Variants in CTNNA3 observed in about 807,000 individuals in gnomAD.
CTNNA3 encodes catenin alpha 3.
A neutral mutation model predicts 95.7 loss-of-function variants in CTNNA3; 76 were observed. The observed-to-expected ratio is 0.79, with a 90% CI of 0.66 to 0.96. CTNNA3 has a LOEUF of 0.96. Ranked by LOEUF, CTNNA3 falls within the 40% of genes least tolerant of loss-of-function variation. CTNNA3 has a pLI of 0.00. For missense variants in CTNNA3, 1,191 were observed against 1,089.8 expected, an observed-to-expected ratio of 1.09 and a Z score of -1.31; for synonymous variants, 431 against 374.4, an observed-to-expected ratio of 1.15 and a Z score of -1.74.
intron 5 of CTNNA3, among the ~76,000 whole-genome samples, chr10:67,440,542 C>T (rs1375166097): frequency 6.6e-6 from 1 of 152,046 alleles, no homozygotes. Context: ...CCAGTGCTGT[C>T]CTGGCTTCAG....
At chr10:67,621,488 G>T (rs144289830) in intron 2 of CTNNA3, among the ~76,000 whole-genome samples, 1 of 152,064 alleles carries the variant, frequency 6.6e-6, no homozygotes. Flanking sequence ...AGTGGCTCAC[G>T]CCTGTAATCC....
intron 5 of CTNNA3, among the ~76,000 whole-genome samples, chr10:67,299,025 A>C (rs1840157791): frequency 6.6e-6 from 1 of 152,068 alleles, no homozygotes; most frequent in Admixed American, 6.6e-5. Flanking sequence ...CAGCCTCCCA[A>C]GTAGCTGGGA....
rs10822953 is a variant in CTNNA3 at position 66,979,632 on chromosome 10, T to C, written c.1047+200685A>G. ...ATTGCCACATCAGTAAAATGGGGAGTATAAACAGAACTTAGAACATAGATG... is the reference window on the plus strand; with the variant it reads ...ATTGCCACATCAGTAAAATGGGGAGCATAAACAGAACTTAGAACATAGATG... On this transcript the variant is annotated intron_variant, in intron 7 of 17. Transcript: ENST00000433211. Among the ~76,000 whole-genome samples, 3,766 of 152,132 alleles carry C rather than the reference T, an allele frequency of 0.025. 397 individuals are homozygous for C. In the East Asian group the frequency reaches 0.37, roughly 15 times the overall value.
Position 67,608,604 on chromosome 10 carries a change from A to G in CTNNA3, c.100-1555T>C, listed in dbSNP as rs150012042. Among the ~76,000 whole-genome samples, 469 of 152,330 alleles carry G rather than the reference A, an allele frequency of 3.1e-3. 1 individual carries two copies. Among genetic ancestry groups the G allele is most frequent in the South Asian group, 6.2e-3 (30 of 4,830 alleles). On this transcript the variant is annotated intron_variant, in intron 2 of 17. Transcript: ENST00000433211. ...TTACAATGTATACATATATCAAAACATCACAGGGTACACCATAAATATATA... is the reference window on the plus strand; with the variant it reads ...TTACAATGTATACATATATCAAAACGTCACAGGGTACACCATAAATATATA...
At chr10:66,840,004 T>C (rs889187721) in intron 7 of CTNNA3, among the ~76,000 whole-genome samples, 7 of 152,066 alleles carry the variant, frequency 4.6e-5, no homozygotes, top group African/African-American at 1.7e-4. Context: ...GTAATGAAAA[T>C]CCCTCAAGTT....
At chr10:65,970,885 C>T (rs1159807689) in intron 16 of CTNNA3, among the ~76,000 whole-genome samples, 4 of 151,200 alleles carry the variant, frequency 2.6e-5, no homozygotes, top group Non-Finnish European at 5.9e-5. Context: ...ACAAGTACTT[C>T]TAGATCTACA....
rs551998153 is a variant in CTNNA3, at chr10:67,372,407, G to A, written c.579+149435C>T. ...TCCATATTGAATTATGAAATGAAGC[G>A]TGAAGAGAAGTTTAGAGAAAAAAGA... On this transcript the variant is annotated intron_variant, in intron 5 of 17. Coordinates refer to ENST00000433211, the MANE Select transcript of CTNNA3 (RefSeq NM_013266.4). Among the ~76,000 whole-genome samples the A allele has an allele frequency of 2.5e-4, 38 of 152,050 alleles. No homozygotes were observed. The South Asian group carries it at 3.7e-3, about 15-fold the overall frequency.
intron 7 of CTNNA3, among the ~76,000 whole-genome samples, chr10:67,127,463 T>G (rs1048813595): frequency 1.3e-5 from 2 of 152,192 alleles, no homozygotes; most frequent in African/African-American, 4.8e-5. Context: ...GTCCCAAGTC[T>G]TCTTTCCTTC....
chr10:67,262,314 G>A (rs1027739747), intron 5 of CTNNA3, among the ~76,000 whole-genome samples: 8 of 152,048 alleles, frequency 5.3e-5, no homozygotes, highest in Non-Finnish European at 7.4e-5. Flanking sequence ...GATCAAAAGG[G>A]GTGATTTTCT....
At chr10:67,354,930 C>T (rs1363131814) in intron 5 of CTNNA3, among the ~76,000 whole-genome samples, 7 of 151,996 alleles carry the variant, frequency 4.6e-5, no homozygotes, top group Non-Finnish European at 7.4e-5. Context: ...TGAAGGGTTT[C>T]CTACACCTAT....
At chr10:66,420,837 A>T (rs2093187057) in intron 11 of CTNNA3, among the ~76,000 whole-genome samples, 1 of 77,436 alleles carries the variant, frequency 1.3e-5, no homozygotes, top group African/African-American at 5.2e-5. Context: ...AAATAAATAA[A>T]TAAAAAACAA....
intron 5 of CTNNA3, among the ~76,000 whole-genome samples, chr10:67,342,371 G>A (rs922387675): frequency 6.6e-6 from 1 of 151,900 alleles, no homozygotes; most frequent in African/African-American, 2.4e-5. Context: ...CAAAGTGCTG[G>A]GATTACAGGC....
intron 7 of CTNNA3, among the ~76,000 whole-genome samples, chr10:66,904,260 A>C (rs969939852): frequency 1.7e-4 from 26 of 152,272 alleles, no homozygotes; most frequent in Middle Eastern, 3.4e-3. Flanking sequence ...AAAACAAGAA[A>C]TGGGGAAAGG....
chr10:67,228,082 G>C (rs987284403), intron 5 of CTNNA3, among the ~76,000 whole-genome samples: 3 of 151,968 alleles, frequency 2.0e-5, no homozygotes, highest in Non-Finnish European at 4.4e-5. Context: ...GACTGAAAAA[G>C]CACAAACTGA....
intron 7 of CTNNA3, among the ~76,000 whole-genome samples, chr10:67,149,341 T>G (rs1372090956): frequency 6.6e-6 from 1 of 152,054 alleles, no homozygotes; most frequent in Non-Finnish European, 1.5e-5. Context: ...ATCCCAGCAC[T>G]TTGGGAGGCC....
intron 9 of CTNNA3, among the ~76,000 whole-genome samples, chr10:66,644,618 T>C (rs945799598): frequency 1.3e-5 from 2 of 151,884 alleles, no homozygotes; most frequent in Non-Finnish European, 2.9e-5. Flanking sequence ...TTGCAAACTT[T>C]ATCCCCGTCT....
intron 5 of CTNNA3, among the ~76,000 whole-genome samples, chr10:67,264,519 C>T (rs1216319598): frequency 6.6e-6 from 1 of 152,124 alleles, no homozygotes; most frequent in Non-Finnish European, 1.5e-5. Flanking sequence ...ACATGATTCA[C>T]ATTCAAATCA....
intron 12 of CTNNA3, among the ~76,000 whole-genome samples, chr10:66,284,583 C>T (rs1168460582): frequency 6.6e-6 from 1 of 151,764 alleles, no homozygotes; most frequent in Non-Finnish European, 1.5e-5. Context: ...ATATTTCATC[C>T]CTTCTTAATC....
chr10:66,338,495 C>G (rs1056907492), intron 12 of CTNNA3, among the ~76,000 whole-genome samples: 6 of 151,906 alleles, frequency 3.9e-5, no homozygotes, highest in African/African-American at 1.4e-4. Context: ...CTCTTTTTAA[C>G]AGTTACTGAA....
Sources: gnomAD v4.1 joint callset for allele counts (sites outside exome capture counted in the v4.1 genomes callset) on GRCh38, gnomAD v4.1.1 for gene constraint, MANE v1.5 for transcripts, NCBI Gene and HGNC (gene_info 2026-07-23, HGNC 2026-07-21) for gene names.